The following KHDC1 variants were observed in gnomAD, a reference collection of about 807,000 sequenced individuals.
The protein encoded by KHDC1 is KH homology domain-containing protein 1.
A neutral mutation model predicts 24.7 loss-of-function variants in KHDC1; 21 were observed. That is an observed-to-expected ratio of 0.85 (90% CI 0.60 to 1.23). The LOEUF (loss-of-function observed/expected upper bound fraction) is 1.23. Among genes scored for constraint, KHDC1 ranks in the 50% most tolerant of loss-of-function variants. The probability of loss-of-function intolerance (pLI) is 0.00; values close to 1 mark genes in which losing one functional copy is unlikely to be tolerated. For synonymous variants in KHDC1, 98 were observed against 111.7 expected (o/e 0.88, Z 0.77); for missense variants, 274 against 298.5 (o/e 0.92, Z 0.61).
At chr6:73,272,706 G>A (rs142009113) in intron 2 of KHDC1, among the ~76,000 whole-genome samples, 6,797 of 150,538 alleles carry the variant, frequency 0.045, 394 homozygotes, top group African/African-American at 0.13. Flanking sequence ...AACCCAGAAG[G>A]CAGAGGTTGC....
intron 2 of KHDC1, among the ~76,000 whole-genome samples, chr6:73,278,258 C>G (rs976152488): frequency 6.6e-6 from 1 of 150,770 alleles, no homozygotes; most frequent in Non-Finnish European, 1.5e-5. Flanking sequence ...CTCAAGTGAT[C>G]CCCCCACCTC....
At chr6:73,294,790 C>T (rs924780124) in intron 1 of KHDC1, among the ~76,000 whole-genome samples, 1 of 152,102 alleles carries the variant, frequency 6.6e-6, no homozygotes, top group Non-Finnish European at 1.5e-5. Context: ...ATCATGGGGG[C>T]AGCTTTCTCA....
intron 1 of KHDC1, among the ~76,000 whole-genome samples, chr6:73,304,214 T>A (rs2150755547): frequency 6.6e-6 from 1 of 151,938 alleles, no homozygotes; most frequent in Admixed American, 6.6e-5. Flanking sequence ...TACGGTTAGG[T>A]AAGATGCTAA....
intron 2 of KHDC1, among the ~76,000 whole-genome samples, chr6:73,247,275 C>G (rs1766685435): frequency 6.6e-6 from 1 of 152,076 alleles, no homozygotes. Context: ...ACACGCCCAG[C>G]CCAACATGTT....
chr6:73,281,242 G>A (rs193084826), intron 2 of KHDC1, among the ~76,000 whole-genome samples: 213 of 152,146 alleles, frequency 1.4e-3, no homozygotes, highest in Non-Finnish European at 2.5e-3. Flanking sequence ...AGGAGGCTAA[G>A]GCAGGAGAAT....
At chr6:73,249,472 G>C (rs1175396846) in intron 2 of KHDC1, among the ~76,000 whole-genome samples, 2 of 152,310 alleles carry the variant, frequency 1.3e-5, no homozygotes. Context: ...GAGATAGTGT[G>C]CAGTGAGTTG....
chr6:73,251,064 C>T (rs1582553474), intron 2 of KHDC1, among the ~76,000 whole-genome samples: 1 of 152,032 alleles, frequency 6.6e-6, no homozygotes, highest in Non-Finnish European at 1.5e-5. Context: ...TGACCTCAAG[C>T]GATCTGCCCG....
At chr6:73,252,843 T>C (rs1766806273) in intron 2 of KHDC1, among the ~76,000 whole-genome samples, 1 of 151,810 alleles carries the variant, frequency 6.6e-6, no homozygotes, top group Non-Finnish European at 1.5e-5. Flanking sequence ...TATCCACTCA[T>C]CAAATGCAGT....
intron 2 of KHDC1, among the ~76,000 whole-genome samples, chr6:73,283,302 A>T (rs1767447854): frequency 6.6e-6 from 1 of 152,006 alleles, no homozygotes; most frequent in Non-Finnish European, 1.5e-5. Flanking sequence ...ATTCATTTTT[A>T]ACTGTGTGGA....
intron 2 of KHDC1, among the ~76,000 whole-genome samples, chr6:73,243,754 T>C (rs1423134124): frequency 6.6e-6 from 1 of 152,236 alleles, no homozygotes; most frequent in Non-Finnish European, 1.5e-5. Flanking sequence ...GCCTGAGCAG[T>C]AATGTTTTAG....
chr6:73,244,623 G>A (rs893614021), intron 2 of KHDC1, among the ~76,000 whole-genome samples: 8 of 147,678 alleles, frequency 5.4e-5, no homozygotes, highest in Admixed American at 4.8e-4. Flanking sequence ...ACAATGAATC[G>A]GGGAGTGGTG....
chr6:73,291,152 C>A, intron 2 of KHDC1: 1 of 500,324 alleles, frequency 2.0e-6, no homozygotes, highest in Non-Finnish European at 4.0e-6. Context: ...GCCCTCTGTG[C>A]CTATTCAGCA....
intron 2 of KHDC1, chr6:73,291,868 C>T (rs1186588572): frequency 4.1e-6 from 4 of 987,264 alleles, no homozygotes; most frequent in Non-Finnish European, 6.2e-6. Flanking sequence ...CTCACTATTA[C>T]ACAATACATT....
intron 2 of KHDC1, among the ~76,000 whole-genome samples, chr6:73,266,678 G>T (rs1244608156): frequency 6.6e-6 from 1 of 152,194 alleles, no homozygotes; most frequent in East Asian, 1.9e-4. Context: ...CAGGGCAAAA[G>T]CTTCATGATG....
chr6:73,273,335 T>C (rs1217754137), intron 2 of KHDC1, among the ~76,000 whole-genome samples: 1 of 150,512 alleles, frequency 6.6e-6, no homozygotes, highest in Non-Finnish European at 1.5e-5. Flanking sequence ...GCCCAGCTAA[T>C]TTTTGTATTT....
chr6:73,241,816 G>T (rs1766574502), intron 4 of KHDC1, 88 bp from the exon 4 acceptor site: 1 of 1,432,422 alleles, frequency 7.0e-7, no homozygotes, highest in East Asian at 2.4e-5. Flanking sequence ...AGGCTGCAGG[G>T]AGGATGTCAC....
At chr6:73,309,787 G>T in exon 1 of KHDC1, 3 of 1,499,758 alleles carry the variant, frequency 2.0e-6, no homozygotes, top group Non-Finnish European at 2.7e-6. Context: ...CCACCGCAGA[G>T]CCCGCCGGCG....
chr6:73,256,729 C>T (rs1299412271), intron 2 of KHDC1, among the ~76,000 whole-genome samples: 1 of 152,144 alleles, frequency 6.6e-6, no homozygotes, highest in Non-Finnish European at 1.5e-5. Flanking sequence ...CTCATATAAT[C>T]CACACTCCCG....
chr6:73,252,225 T>C (rs530900240), intron 2 of KHDC1, among the ~76,000 whole-genome samples: 1 of 152,000 alleles, frequency 6.6e-6, no homozygotes, highest in Admixed American at 6.6e-5. Context: ...ATATTTTTTG[T>C]AGAGATGGGG....
Sources: allele counts gnomAD v4.1 joint callset (sites outside exome capture counted in the v4.1 genomes callset), GRCh38; gene constraint gnomAD v4.1.1; transcripts MANE v1.5; gene names NCBI Gene and HGNC (gene_info 2026-07-23, HGNC 2026-07-21).